B3GALT1: variants seen among roughly 807,000 people sequenced by gnomAD.
The protein encoded by B3GALT1 is beta-1,3-galactosyltransferase 1.
In B3GALT1, 10 loss-of-function variants were observed where a neutral mutation model predicts 23.2. The observed-to-expected ratio is 0.43, with a 90% CI of 0.27 to 0.73. The LOEUF (loss-of-function observed/expected upper bound fraction) is 0.73, where lower values mean the gene tolerates loss of function less well. Ranked by LOEUF, B3GALT1 falls within the 30% of genes least tolerant of loss-of-function variation. The probability of loss-of-function intolerance (pLI) is 0.21; values close to 1 mark genes in which losing one functional copy is unlikely to be tolerated. For missense variants in B3GALT1, 299 were observed against 405.4 expected (o/e 0.74, Z 2.25); for synonymous variants, 156 against 141.5 (o/e 1.10, Z -0.73).
chr2:167,836,388 C>T (rs970200710), intron 4 of B3GALT1, among the ~76,000 whole-genome samples: 2 of 152,084 alleles, frequency 1.3e-5, no homozygotes, highest in Non-Finnish European at 2.9e-5. Context: ...ATGCAGAAGC[C>T]TCAGGAGCCG....
intron 2 of B3GALT1, among the ~76,000 whole-genome samples, chr2:167,621,677 G>A (rs970296175): frequency 2.6e-5 from 4 of 152,036 alleles, no homozygotes; most frequent in Non-Finnish European, 2.9e-5. Context: ...GGACCCAGTG[G>A]GAGGTAATTG....
chr2:167,621,632 T>C (rs1685261175), intron 2 of B3GALT1, among the ~76,000 whole-genome samples: 1 of 152,052 alleles, frequency 6.6e-6, no homozygotes, highest in Non-Finnish European at 1.5e-5. Context: ...TCATCTTGAA[T>C]TGTAGTTCCC....
intron 4 of B3GALT1, among the ~76,000 whole-genome samples, chr2:167,836,833 G>T (rs926126912): frequency 2.0e-5 from 3 of 152,144 alleles, no homozygotes; most frequent in South Asian, 2.1e-4. Flanking sequence ...GATCTCTCGG[G>T]AGAAACTCTA....
chr2:167,542,798 CT>C (rs572650522), intron 2 of B3GALT1, among the ~76,000 whole-genome samples: 3,664 of 140,468 alleles, frequency 0.026, 54 homozygotes, highest in South Asian at 0.049. Flanking sequence ...TGTATTAAAG[CT>C]TTTTTTTTTT....
At chr2:167,556,456 T>C (rs1338021240) in intron 2 of B3GALT1, among the ~76,000 whole-genome samples, 1 of 152,134 alleles carries the variant, frequency 6.6e-6, no homozygotes, top group Admixed American at 6.5e-5. Context: ...GCTAAAGTAT[T>C]AAAAATGGAC....
chr2:167,423,712 C>T (rs1318615196), intron 1 of B3GALT1, among the ~76,000 whole-genome samples: 1 of 152,122 alleles, frequency 6.6e-6, no homozygotes, highest in Non-Finnish European at 1.5e-5. Flanking sequence ...GACTTGATTG[C>T]TAGATATAGC....
chr2:167,510,453 C>T (rs527574667), intron 2 of B3GALT1, among the ~76,000 whole-genome samples: 2 of 148,198 alleles, frequency 1.3e-5, no homozygotes, highest in Admixed American at 1.4e-4. Flanking sequence ...TAGACTAGAC[C>T]AGATACATCC....
At chr2:167,599,102 G>A (rs968164145) in intron 2 of B3GALT1, among the ~76,000 whole-genome samples, 3 of 152,180 alleles carry the variant, frequency 2.0e-5, no homozygotes, top group African/African-American at 4.8e-5. Context: ...CCAACAGCAA[G>A]TAGAATTAGG....
intron 1 of B3GALT1, among the ~76,000 whole-genome samples, chr2:167,482,556 C>T (rs956421952): frequency 6.6e-6 from 1 of 152,160 alleles, no homozygotes. Flanking sequence ...AAAACAAAAA[C>T]TAGTACAAAA....
chr2:167,651,259 TGTGTGTGTGTGTGCGC>T (rs879612937), intron 3 of B3GALT1, among the ~76,000 whole-genome samples: 1,175 of 12,354 alleles, frequency 0.095, 54 homozygotes, highest in East Asian at 0.49. Context: ...TGTGTGTGTG[TGTGTGTGTGTGTGCGC>T]GCACGTGCAC....
intron 2 of B3GALT1, among the ~76,000 whole-genome samples, chr2:167,501,855 G>A (rs1295418004): frequency 2.6e-5 from 4 of 151,980 alleles, no homozygotes; most frequent in Admixed American, 2.6e-4. Flanking sequence ...GTAGTGTTGA[G>A]TTTGAGACAA....
intron 3 of B3GALT1, among the ~76,000 whole-genome samples, chr2:167,716,719 C>T (rs1372832872): frequency 6.6e-6 from 1 of 152,098 alleles, no homozygotes; most frequent in East Asian, 1.9e-4. Context: ...TTTTTGTTTT[C>T]TGTATCAATT....
At chr2:167,642,104 T>A (rs1685662492) in intron 2 of B3GALT1, among the ~76,000 whole-genome samples, 1 of 152,176 alleles carries the variant, frequency 6.6e-6, no homozygotes, top group African/African-American at 2.4e-5. Flanking sequence ...AGCACCATCA[T>A]CCCTTTGGTT....
At chr2:167,448,569 T>C (rs1699039567) in intron 1 of B3GALT1, among the ~76,000 whole-genome samples, 1 of 152,194 alleles carries the variant, frequency 6.6e-6, no homozygotes, top group South Asian at 2.1e-4. Flanking sequence ...GGTTTGTCTG[T>C]TTACTCTGCT....
chr2:167,706,904 C>A (rs759330763), intron 3 of B3GALT1, among the ~76,000 whole-genome samples: 2 of 152,196 alleles, frequency 1.3e-5, no homozygotes, highest in African/African-American at 2.4e-5. Context: ...TAGAATCTGA[C>A]AGAAGTGAAA....
intron 1 of B3GALT1, among the ~76,000 whole-genome samples, chr2:167,319,837 A>G (rs767603490): frequency 1.3e-5 from 2 of 152,090 alleles, no homozygotes; most frequent in Non-Finnish European, 2.9e-5. Flanking sequence ...GCCTTTTGTT[A>G]TGATTACCGC....
At chr2:167,324,635 G>A (rs1437871611) in intron 1 of B3GALT1, among the ~76,000 whole-genome samples, 1 of 152,026 alleles carries the variant, frequency 6.6e-6, no homozygotes, top group Non-Finnish European at 1.5e-5. Flanking sequence ...GTGAAATTTT[G>A]TTACGTACAT....
At chr2:167,475,405 G>C (rs939283757) in intron 1 of B3GALT1, among the ~76,000 whole-genome samples, 1 of 151,954 alleles carries the variant, frequency 6.6e-6, no homozygotes, top group African/African-American at 2.4e-5. Context: ...TGGCACTTCA[G>C]ATATACCAAA....
At chr2:167,385,580 C>T (rs1010108857) in intron 1 of B3GALT1, among the ~76,000 whole-genome samples, 4 of 83,086 alleles carry the variant, frequency 4.8e-5, no homozygotes, top group African/African-American at 1.2e-4. Flanking sequence ...ATGGTAGGAA[C>T]AAAGACTAGC....
Sources: allele counts gnomAD v4.1 joint callset (sites outside exome capture counted in the v4.1 genomes callset), GRCh38; gene constraint gnomAD v4.1.1; transcripts MANE v1.5; gene names NCBI Gene and HGNC (gene_info 2026-07-23, HGNC 2026-07-21).